The following TLN2 variants were observed in gnomAD, a reference collection of about 807,000 sequenced individuals.
TLN2 encodes the protein talin 2, also known as talin-2.
In TLN2, 118 loss-of-function variants were observed where a neutral mutation model predicts 294.7. The ratio of observed to expected loss-of-function variants is 0.40; its 90% CI spans 0.34 to 0.47. The LOEUF (loss-of-function observed/expected upper bound fraction) is 0.47. Among genes scored for constraint, TLN2 ranks in the 20% least tolerant of loss-of-function variants. The probability of loss-of-function intolerance (pLI) is 0.84; values close to 1 mark genes in which losing one functional copy is unlikely to be tolerated. For synonymous variants in TLN2, 1,431 were observed against 1,304.5 expected, an observed-to-expected ratio of 1.10 and a Z score of -2.09; for missense variants, 3,083 against 3,282.2, an observed-to-expected ratio of 0.94 and a Z score of 1.48.
intron 1 of TLN2, among the ~76,000 whole-genome samples, chr15:62,462,949 C>T (rs922088804): frequency 6.6e-6 from 1 of 152,190 alleles, no homozygotes; most frequent in Admixed American, 6.5e-5. Context: ...GAAGGAGACA[C>T]TAAGGACAGC....
At chr15:62,594,858 G>A (rs1008207046) in intron 2 of TLN2, among the ~76,000 whole-genome samples, 1 of 152,170 alleles carries the variant, frequency 6.6e-6, no homozygotes, top group African/African-American at 2.4e-5. Flanking sequence ...CAAGAGTGAG[G>A]AGACAGCCTG....
At chr15:62,772,662 TATTTA>T (rs1162970787) in intron 42 of TLN2, among the ~76,000 whole-genome samples, 1 of 78,248 alleles carries the variant, frequency 1.3e-5, no homozygotes, top group African/African-American at 5.0e-5. Context: ...TGGATTTATT[TATTTA>T]TTTTTTTTTT....
At chr15:62,588,657 A>AT (rs1280910534) in intron 1 of TLN2, among the ~76,000 whole-genome samples, 2 of 108,758 alleles carry the variant, frequency 1.8e-5, no homozygotes, top group African/African-American at 3.3e-5. Context: ...ATATATATAC[A>AT]TTTTTTTCAT....
In TLN2 at chr15:62,595,722, A is replaced by G. The variant is rs143518459; in HGVS notation, c.-162+5960A>G. On this transcript the variant is annotated intron_variant, in intron 2 of 58. Coordinates refer to ENST00000636159, the MANE Select transcript of TLN2 (RefSeq NM_015059.3). ...TGGTATACATACACAGTGAAATACTATTCAGCCTTCAAGGAAATTGTCATT... is the reference window on the plus strand; with the variant it reads ...TGGTATACATACACAGTGAAATACTGTTCAGCCTTCAAGGAAATTGTCATT... Among the ~76,000 whole-genome samples, 627 of 152,332 alleles carry G rather than the reference A, an allele frequency of 4.1e-3. 8 individuals are homozygous for G. Among genetic ancestry groups the G allele is most frequent in the African/African-American group, 0.014 (594 of 41,574 alleles).
chr15:62,681,816 G>C (rs140107377), intron 11 of TLN2, among the ~76,000 whole-genome samples: 2 of 152,086 alleles, frequency 1.3e-5, no homozygotes, highest in African/African-American at 2.4e-5. Context: ...TTCGAGACAC[G>C]ATCTCACTCT....
rs1169813471 is a variant in TLN2 at position 62,541,179 on chromosome 15, A to G, written c.-237-48508A>G. On this transcript the variant is annotated intron_variant, in intron 1 of 58. Transcript: ENST00000636159. ...ACCTGTGTTAGGGGTATGAGGTTTCACTGAACTATTCTCTCTACTTTTGTA... is the reference window on the plus strand; with the variant it reads ...ACCTGTGTTAGGGGTATGAGGTTTCGCTGAACTATTCTCTCTACTTTTGTA... 3.8e-4 allele frequency among the ~76,000 whole-genome samples: 58 copies of G among 152,218 alleles called. 3 individuals carry two copies. The highest frequency in any genetic ancestry group is 3.6e-3 in the Admixed American group (55 of 15,288).
chr15:62,692,875 A>G lies in TLN2; in HGVS notation c.1149A>G (p.Val383=). The change falls in exon 13 of 59, where the codon GTA becomes GTG. Residue 383 remains valine, a synonymous_variant. Coordinates refer to ENST00000636159, the MANE Select transcript of TLN2 (RefSeq NM_015059.3). ...AGTATCAGGAAAGCTACTATTCAGTACAAACCACCGAGGGAGAGCAGATAT... is the reference window on the plus strand; with the variant it reads ...AGTATCAGGAAAGCTACTATTCAGTGCAAACCACCGAGGGAGAGCAGATAT... ...FGEYQESYYS[V]QTTEGEQISQ... 2 of 1,613,966 alleles carry G rather than the reference A, an allele frequency of 1.2e-6. No individual in the cohort carries two copies. Among genetic ancestry groups the G allele is most frequent in the Non-Finnish European group, 1.7e-6 (2 of 1,179,966 alleles).
chr15:62,739,553 T>A lies in TLN2; in HGVS notation c.3885+8T>A. The A allele has an allele frequency of 2.5e-6, 4 of 1,614,038 alleles. No homozygotes were observed. The highest frequency in any genetic ancestry group is 3.4e-6 in the Non-Finnish European group (4 of 1,179,958). ...ATGGCTGGCCAAGCTCAGGTGGGTG[T>A]GGAGGTGGTTGTCTGGAGTTGACCT... On this transcript the variant is annotated splice_region_variant and intron_variant, in intron 31 of 58. Coordinates refer to ENST00000636159, the MANE Select transcript of TLN2 (RefSeq NM_015059.3).
chr15:62,456,099 GC>G, intron 1 of TLN2, among the ~76,000 whole-genome samples: 1 of 150,932 alleles, frequency 6.6e-6, no homozygotes. Context: ...ACTGGATCAA[GC>G]CCCCAAGGGG....
intron 11 of TLN2, among the ~76,000 whole-genome samples, chr15:62,680,877 G>C (rs1164122562): frequency 6.6e-6 from 1 of 152,110 alleles, no homozygotes; most frequent in African/African-American, 2.4e-5. Flanking sequence ...ATGGCGTCCA[G>C]CTCCATCCAA....
chr15:62,431,732 G>A (rs78290032), intron 1 of TLN2, among the ~76,000 whole-genome samples: 5,826 of 152,144 alleles, frequency 0.038, 130 homozygotes, highest in Middle Eastern at 0.071. Flanking sequence ...AAGAAGAAAG[G>A]GAAAATGGCA....
At chr15:62,703,624 C>T (rs111771461) in intron 19 of TLN2, among the ~76,000 whole-genome samples, 6 of 60,478 alleles carry the variant, frequency 9.9e-5, no homozygotes, top group East Asian at 2.3e-3. Context: ...CACACACACG[C>T]GCGCACACAC....
intron 1 of TLN2, among the ~76,000 whole-genome samples, chr15:62,463,279 G>A (rs1380408482): frequency 6.6e-6 from 1 of 152,028 alleles, no homozygotes; most frequent in South Asian, 2.1e-4. Flanking sequence ...TTCCCTTCTG[G>A]ATCTCTTCCT....
intron 48 of TLN2, among the ~76,000 whole-genome samples, chr15:62,799,898 A>T (rs2065805934): frequency 6.6e-6 from 1 of 152,216 alleles, no homozygotes; most frequent in Non-Finnish European, 1.5e-5. Context: ...GAGATTTCCC[A>T]TGGAGAAGAA....
In TLN2 at chr15:62,750,445, AC is replaced by A; in HGVS notation, c.4165del (p.Leu1389SerfsTer10). 6.2e-7 allele frequency: 1 copy of A among 1,614,144 alleles called. No individual in the cohort carries two copies. Among genetic ancestry groups the A allele is most frequent in the Non-Finnish European group, 8.5e-7 (1 of 1,180,028 alleles). ...GACAATCCTAATGAACCTGTTAGTGACCTCTCTTACTTTGACTGCATTGAGA... is the reference window on the plus strand; with the variant it reads ...GACAATCCTAATGAACCTGTTAGTGACTCTCTTACTTTGACTGCATTGAGA... ...MLDNPNEPVS[D>X]LSYFDCIESV... On this transcript the variant is annotated frameshift_variant, in exon 34 of 59. Transcript: ENST00000636159. LOFTEE classifies it high-confidence loss of function.
intron 1 of TLN2, among the ~76,000 whole-genome samples, chr15:62,540,254 C>T (rs1001702049): frequency 7.2e-5 from 11 of 152,028 alleles, no homozygotes; most frequent in South Asian, 2.1e-4. Context: ...GCAGGAGAAT[C>T]GCTTGAACCC....
intron 1 of TLN2, among the ~76,000 whole-genome samples, chr15:62,453,213 A>G (rs2036256185): frequency 6.6e-6 from 1 of 151,634 alleles, no homozygotes; most frequent in Non-Finnish European, 1.5e-5. Context: ...GGAGATGGGC[A>G]GATTTGATGG....
chr15:62,563,035 G>A (rs780218494), intron 1 of TLN2, among the ~76,000 whole-genome samples: 1 of 150,920 alleles, frequency 6.6e-6, no homozygotes, highest in Non-Finnish European at 1.5e-5. Flanking sequence ...TTGCAGTTGC[G>A]AATTGTGCTG....
At chr15:62,809,453 G>A (rs2066524174) in intron 51 of TLN2, among the ~76,000 whole-genome samples, 1 of 152,158 alleles carries the variant, frequency 6.6e-6, no homozygotes, top group Non-Finnish European at 1.5e-5. Context: ...CTCACTGACT[G>A]CAGCATGGTC....
Sources: allele counts gnomAD v4.1 joint callset (sites outside exome capture counted in the v4.1 genomes callset), GRCh38; gene constraint gnomAD v4.1.1; transcripts MANE v1.5; gene names NCBI Gene and HGNC (gene_info 2026-07-23, HGNC 2026-07-21).